RTCB: variants seen among roughly 807,000 people sequenced by gnomAD.
RTCB encodes the protein RNA-splicing ligase RTCB.
In RTCB, 32 loss-of-function variants were observed where a neutral mutation model predicts 58.2. The observed-to-expected ratio is 0.55, with a 90% CI of 0.41 to 0.74. RTCB has a LOEUF of 0.74. RTCB is among the 30% of genes least tolerant of loss of function. The probability of loss-of-function intolerance (pLI) is 0.00; values close to 1 mark genes in which losing one functional copy is unlikely to be tolerated. For missense variants in RTCB, 523 were observed against 639.0 expected (o/e 0.82, Z 1.96); for synonymous variants, 247 against 218.6 (o/e 1.13, Z -1.15).
chr22:32,392,579 T>C, intron 10 of RTCB: 2 of 688,058 alleles, frequency 2.9e-6, no homozygotes, highest in Non-Finnish European at 5.2e-6. Context: ...CGCAGCGCAG[T>C]GTATTCAGCA....
At position 32,397,953 on chromosome 22, in the gene RTCB, G is replaced by T; in HGVS notation, c.802C>A (p.Gln268Lys). Residue 268 changes from glutamine (Q) to lysine (K), a missense_variant, in exon 7 of 12, where the codon CAA (glutamine) becomes AAA (lysine). Coordinates refer to ENST00000216038, the MANE Select transcript of RTCB (RefSeq NM_014306.5). ...IHSGSRGLGH[Q>K]VATDALVAME... ...GTCTAGAATATACCTGTGGCTACTT[G>T]GTGGCCCAAGCCTCTGCTTCCACTG... 1 of 1,611,270 alleles carries T rather than the reference G, an allele frequency of 6.2e-7. No homozygotes were observed. Among genetic ancestry groups the T allele is most frequent in the Non-Finnish European group, 8.5e-7 (1 of 1,179,320 alleles).
intron 3 of RTCB, 79 bp downstream of exon 3, chr22:32,408,096 C>CCACTAA: frequency 7.7e-7 from 1 of 1,293,236 alleles, no homozygotes; most frequent in East Asian, 2.4e-5. Context: ...CTAAATGACA[C>CCACTAA]CACTATCAGG....
intron 7 of RTCB, 51 bp from the exon 8 acceptor site, chr22:32,396,300 C>A (rs767557783): frequency 1.3e-6 from 2 of 1,577,560 alleles, no homozygotes; most frequent in Admixed American, 1.7e-5. Flanking sequence ...CTTAAATGAA[C>A]AGTTCAGATT....
At chr22:32,397,869 A>G in intron 7 of RTCB, 72 bp downstream of exon 7, 2 of 1,442,852 alleles carry the variant, frequency 1.4e-6, no homozygotes, top group Admixed American at 2.2e-5. Context: ...AGTATATTTC[A>G]GAGTTTTCGC....
At chr22:32,388,294 C>CTTGGT (rs57860088) in intron 11 of RTCB, among the ~76,000 whole-genome samples, 195 bp from the exon 12 acceptor site, 5,173 of 146,228 alleles carry the variant, frequency 0.035, 280 homozygotes, top group African/African-American at 0.12. Context: ...ACACTTTCAC[C>CTTGGT]TTTTTTTTTT....
At chr22:32,399,181 G>C (rs527359358) in intron 6 of RTCB, among the ~76,000 whole-genome samples, 2 of 152,176 alleles carry the variant, frequency 1.3e-5, no homozygotes, top group East Asian at 3.9e-4. Flanking sequence ...CTGTCACCCA[G>C]GCTGGAGTGC....
Position 32,409,201 on chromosome 22 carries a change from T to TAAA in RTCB, c.94-371_94-369dup, listed in dbSNP as rs10640693. On this transcript the variant is annotated intron_variant, in intron 1 of 11. Transcript: ENST00000216038. Reference sequence around the variant, plus strand: ...AAAATATCAATGGTTTTTTGAAAATTAAAAAAAAAAACCAAATGAATCAAA... The same window carrying TAAA: ...AAAATATCAATGGTTTTTTGAAAATTAAAAAAAAAAAAAACCAAATGAATCAAA... 7.4e-5 allele frequency among the ~76,000 whole-genome samples: 11 copies of TAAA among 149,480 alleles called. 1 individual carries two copies. The highest frequency in any genetic ancestry group is 6.3e-4 in the South Asian group (3 of 4,752).
Position 32,406,757 on chromosome 22 carries a change from G to C in RTCB, c.245C>G (p.Ser82Cys), listed in dbSNP as rs756011780. ...TGAATGGACATCAGGAAGCCCAATA[G>C]ATCGCTGAAAAAGAATTAGAAAATG... ...VAALPGIVHR[S>C]IGLPDVHSGY... The change falls in exon 4 of 12, where the codon TCT becomes TGT. Residue 82 changes from serine to cysteine, a missense_variant. Around this residue, in one of 3 missense-constraint regions of RTCB, gnomAD observed 134 missense variants for 129.9 expected, o/e 1.03. Coordinates refer to ENST00000216038, the MANE Select transcript of RTCB (RefSeq NM_014306.5). 1 of 1,608,778 alleles carries C rather than the reference G, an allele frequency of 6.2e-7. No individual in the cohort carries two copies. Among genetic ancestry groups the C allele is most frequent in the East Asian group, 2.2e-5 (1 of 44,798 alleles).
intron 11 of RTCB, 37 bp downstream of exon 11, chr22:32,392,203 C>A: frequency 6.3e-7 from 1 of 1,580,918 alleles, no homozygotes; most frequent in Non-Finnish European, 8.6e-7. Context: ...AAATGGGGAA[C>A]AATAAATATT....
chr22:32,404,932 C>T (rs527436786), intron 4 of RTCB, among the ~76,000 whole-genome samples: 1 of 152,162 alleles, frequency 6.6e-6, no homozygotes, highest in Non-Finnish European at 1.5e-5. Context: ...AGCCATCCGC[C>T]CGCCTTGGCC....
chr22:32,409,812 T>C (rs1933488163), intron 1 of RTCB, among the ~76,000 whole-genome samples: 1 of 119,702 alleles, frequency 8.4e-6, no homozygotes. Context: ...ATACAGCTCT[T>C]ATATACTTTT....
At chr22:32,396,343 T>C in intron 7 of RTCB, 94 bp from the exon 8 acceptor site, 1 of 1,325,990 alleles carries the variant, frequency 7.5e-7, no homozygotes, top group Non-Finnish European at 1.0e-6. Flanking sequence ...TTCAAATTCA[T>C]TCCACAAAAA....
intron 4 of RTCB, among the ~76,000 whole-genome samples, chr22:32,403,329 C>A (rs1020862689): frequency 2.6e-5 from 4 of 151,970 alleles, no homozygotes; most frequent in Non-Finnish European, 5.9e-5. Context: ...ATGGCGTGAA[C>A]CCAGAAGGCG....
intron 4 of RTCB, among the ~76,000 whole-genome samples, chr22:32,403,101 T>TGGCAAATAAAA (rs1165182372): frequency 6.6e-6 from 1 of 151,988 alleles, no homozygotes; most frequent in Non-Finnish European, 1.5e-5. Flanking sequence ...GGCAAATAAA[T>TGGCAAATAAAA]GGCAAATAAA....
intron 3 of RTCB, 68 bp from the exon 4 acceptor site, chr22:32,406,829 G>T: frequency 9.4e-7 from 1 of 1,064,884 alleles, no homozygotes; most frequent in Non-Finnish European, 1.4e-6. Flanking sequence ...TGATGGACCT[G>T]ACACTGATTC....
chr22:32,396,935 G>A (rs1015513210), intron 7 of RTCB, among the ~76,000 whole-genome samples: 4 of 152,216 alleles, frequency 2.6e-5, no homozygotes, highest in African/African-American at 9.6e-5. Context: ...GCTGACAACT[G>A]CGTCTGTTGC....
chr22:32,408,795 T>C lies in RTCB; in HGVS notation c.132A>G (p.Lys44=), dbSNP rs144441435. 402 of 1,614,028 alleles carry C rather than the reference T, an allele frequency of 2.5e-4. 1 individual carries two copies. In the African/African-American group the frequency reaches 4.8e-3, roughly 19 times the overall value. The change falls in exon 2 of 12, where the codon AAA becomes AAG. Residue 44 remains lysine, a synonymous_variant. Coordinates refer to ENST00000216038, the MANE Select transcript of RTCB (RefSeq NM_014306.5). ...GVFYVNDALE[K]LMFEELRNAC... ...CATTCCTTAATTCCTCAAACATCAATTTCTCCAGAGCATCATTCACATAGA... is the reference window on the plus strand; with the variant it reads ...CATTCCTTAATTCCTCAAACATCAACTTCTCCAGAGCATCATTCACATAGA...
In RTCB at chr22:32,394,000, G is replaced by A; in HGVS notation, c.1182C>T (p.Leu394=). The change falls in exon 10 of 12, where the codon CTC becomes CTT. Residue 394 remains leucine (L), a splice_region_variant and synonymous_variant. Coordinates refer to ENST00000216038, the MANE Select transcript of RTCB (RefSeq NM_014306.5). ...CACCAATGAGCACTGGCTGTCCAGT[G>A]AGCTGAGGATGCACATAAATCAAAC... is the stretch of plus-strand genomic sequence containing the variant. The part of the protein sequence containing the change: ...HHPLIAVDYQ[L]TGQPVLIGGT... 6.2e-7 allele frequency: 1 copy of A among 1,600,892 alleles called. No individual in the cohort carries two copies. The highest frequency in any genetic ancestry group is 8.6e-7 in the Non-Finnish European group (1 of 1,167,964).
intron 9 of RTCB, among the ~76,000 whole-genome samples, chr22:32,394,370 G>C (rs1015870919): frequency 6.6e-6 from 1 of 152,042 alleles, no homozygotes; most frequent in East Asian, 1.9e-4. Context: ...CTTGGCCTCC[G>C]AAAGTGCTGG....
Sources: gnomAD v4.1 joint callset for allele counts (sites outside exome capture counted in the v4.1 genomes callset) on GRCh38, gnomAD v4.1.1 for gene constraint, gnomAD v4.1.1 regional missense constraint, MANE v1.5 for transcripts, NCBI Gene and HGNC (gene_info 2026-07-23, HGNC 2026-07-21) for gene names.